The following PLCZ1 variants were observed in gnomAD, a reference collection of about 807,000 sequenced individuals.
PLCZ1 encodes phospholipase C zeta 1, also known as 1-phosphatidylinositol 4,5-bisphosphate phosphodiesterase zeta-1.
Under a neutral mutation model 76.8 loss-of-function variants are expected in PLCZ1, and 64 were observed. The observed-to-expected ratio is 0.83, with a 90% CI of 0.68 to 1.03. The LOEUF (loss-of-function observed/expected upper bound fraction) is 1.03, where lower values mean the gene tolerates loss of function less well. Among genes scored for constraint, PLCZ1 ranks in the 50% least tolerant of loss-of-function variants. The pLI is 0.00. For missense variants in PLCZ1, 751 were observed against 713.7 expected, an observed-to-expected ratio of 1.05 and a Z score of -0.60; for synonymous variants, 248 against 230.8, an observed-to-expected ratio of 1.07 and a Z score of -0.68.
intron 6 of PLCZ1, among the ~76,000 whole-genome samples, chr12:18,712,549 C>G (rs886867829): frequency 6.6e-6 from 1 of 152,100 alleles, no homozygotes; most frequent in Non-Finnish European, 1.5e-5. Context: ...ATTTCTCAAA[C>G]TTTCCTGGCC....
intron 4 of PLCZ1, among the ~76,000 whole-genome samples, chr12:18,720,140 C>A (rs1343409454): frequency 6.6e-6 from 1 of 152,040 alleles, no homozygotes; most frequent in Admixed American, 6.6e-5. Context: ...TTCTTTTACT[C>A]AACATTCTAT....
At chr12:18,689,906 C>G (rs1025539676) in intron 12 of PLCZ1, among the ~76,000 whole-genome samples, 2 of 152,110 alleles carry the variant, frequency 1.3e-5, no homozygotes, top group African/African-American at 4.8e-5. Context: ...AATCACAAAG[C>G]TCCCTAGAGT....
intron 6 of PLCZ1, among the ~76,000 whole-genome samples, chr12:18,706,024 C>T (rs1343589517): frequency 2.0e-5 from 3 of 151,884 alleles, no homozygotes; most frequent in Non-Finnish European, 4.4e-5. Flanking sequence ...GTCAGGAGTT[C>T]GAGACCAGGC....
At chr12:18,656,199 C>A in the PLCZ1 span, among the ~76,000 whole-genome samples, 131,893 of 152,100 alleles carry the variant, frequency 0.87, 57,269 homozygotes, top group East Asian at 0.95. Context: ...GAAGTTGAGA[C>A]GGAAGCATCA....
chr12:18,658,804 TTAC>T, the PLCZ1 span, among the ~76,000 whole-genome samples: 9 of 152,160 alleles, frequency 5.9e-5, no homozygotes, highest in African/African-American at 1.7e-4. Flanking sequence ...GCTTAGGTAT[TTAC>T]TACAATAGAA....
chr12:18,659,031 A>G, the PLCZ1 span, among the ~76,000 whole-genome samples: 17,542 of 152,140 alleles, frequency 0.12, 1,425 homozygotes, highest in African/African-American at 0.23. Context: ...GAAGCTTTGT[A>G]TTGGAGAGGC....
chr12:18,700,512 C>CAAAAA (rs11324526), intron 9 of PLCZ1, among the ~76,000 whole-genome samples: 1,454 of 67,868 alleles, frequency 0.021, 216 homozygotes, highest in African/African-American at 0.052. Context: ...AGCCAACGTA[C>CAAAAA]AAAAAAAAAA....
the PLCZ1 span, among the ~76,000 whole-genome samples, chr12:18,669,566 A>G: frequency 4.5e-3 from 678 of 152,278 alleles, 7 homozygotes; most frequent in African/African-American, 0.015. Context: ...CAGCAGATTC[A>G]GTTGTTGGTG....
chr12:18,650,347 ATGTGTG>A, the PLCZ1 span, among the ~76,000 whole-genome samples: 7,076 of 114,352 alleles, frequency 0.062, 352 homozygotes, highest in African/African-American at 0.13. Flanking sequence ...ATATATATAT[ATGTGTG>A]TGTGTGTGTG....
chr12:18,703,323 C>T (rs559266822), intron 7 of PLCZ1, among the ~76,000 whole-genome samples: 1 of 152,190 alleles, frequency 6.6e-6, no homozygotes, highest in Middle Eastern at 3.4e-3. Flanking sequence ...TCACTAGTGT[C>T]ACAACACTTT....
intron 5 of PLCZ1, 37 bp from the exon 6 acceptor site, chr12:18,713,023 G>C (rs374353092): frequency 1.7e-5 from 28 of 1,611,308 alleles, no homozygotes; most frequent in Middle Eastern, 1.6e-4. Flanking sequence ...GTTACTCCTG[G>C]ACCATTAAAA....
chr12:18,696,311 T>C, intron 10 of PLCZ1, 45 bp from the exon 11 acceptor site: 1 of 590,314 alleles, frequency 1.7e-6, no homozygotes, highest in Non-Finnish European at 2.8e-6. Context: ...TCAAATAAAT[T>C]TAAAAAGCCA....
At chr12:18,672,493 C>T in the PLCZ1 span, among the ~76,000 whole-genome samples, 2 of 151,968 alleles carry the variant, frequency 1.3e-5, no homozygotes, top group African/African-American at 4.8e-5. Context: ...GTTAAAACAA[C>T]TATATAAAAA....
chr12:18,696,770 C>T (rs760551066), intron 10 of PLCZ1, among the ~76,000 whole-genome samples: 2 of 152,054 alleles, frequency 1.3e-5, no homozygotes, highest in Non-Finnish European at 2.9e-5. Context: ...GAAAGGCACC[C>T]CAAAGTTGTC....
the PLCZ1 span, among the ~76,000 whole-genome samples, chr12:18,669,405 T>A: frequency 6.6e-6 from 1 of 152,220 alleles, no homozygotes; most frequent in Non-Finnish European, 1.5e-5. Context: ...AGGATAATTA[T>A]CCTCACTTTA....
chr12:18,714,401 A>C (rs997179973), intron 5 of PLCZ1, among the ~76,000 whole-genome samples: 1 of 152,206 alleles, frequency 6.6e-6, no homozygotes, highest in Admixed American at 6.5e-5. Flanking sequence ...CATGTTTGAC[A>C]TAAACTGACT....
At chr12:18,705,484 C>A (rs1022516156) in intron 6 of PLCZ1, among the ~76,000 whole-genome samples, 169 bp from the exon 7 acceptor site, 1 of 152,044 alleles carries the variant, frequency 6.6e-6, no homozygotes, top group African/African-American at 2.4e-5. Flanking sequence ...AAACAGAGAC[C>A]ATTAAATCTG....
At chr12:18,713,998 G>T (rs1437629780) in intron 5 of PLCZ1, among the ~76,000 whole-genome samples, 1 of 152,116 alleles carries the variant, frequency 6.6e-6, no homozygotes, top group Admixed American at 6.5e-5. Context: ...AGTGGAAGCT[G>T]ATTGCATTCA....
At chr12:18,706,568 C>A (rs1956638266) in intron 6 of PLCZ1, among the ~76,000 whole-genome samples, 1 of 152,150 alleles carries the variant, frequency 6.6e-6, no homozygotes, top group African/African-American at 2.4e-5. Flanking sequence ...GTATTTTCTG[C>A]CCTTTCTCAT....
Sources: gnomAD v4.1 joint callset for allele counts (sites outside exome capture counted in the v4.1 genomes callset) on GRCh38, gnomAD v4.1.1 for gene constraint, MANE v1.5 for transcripts, NCBI Gene and HGNC (gene_info 2026-07-23, HGNC 2026-07-21) for gene names.